The following SCHIP1 variants were observed in gnomAD, a reference collection of about 807,000 sequenced individuals.
SCHIP1 encodes the protein schwannomin interacting protein 1.
Under a neutral mutation model 29.7 loss-of-function variants are expected in SCHIP1, and 8 were observed. The observed-to-expected ratio is 0.27, with a 90% CI of 0.16 to 0.49. SCHIP1 has a LOEUF of 0.49. SCHIP1 is among the 20% of genes least tolerant of loss of function. The pLI, the probability that SCHIP1 is intolerant of heterozygous loss-of-function variation, is 0.99. For synonymous variants in SCHIP1, 76 were observed against 94.9 expected, an observed-to-expected ratio of 0.80 and a Z score of 1.16; for missense variants, 193 against 294.6, an observed-to-expected ratio of 0.66 and a Z score of 2.52.
At chr3:159,804,551 C>T in the SCHIP1 span, among the ~76,000 whole-genome samples, 1 of 152,198 alleles carries the variant, frequency 6.6e-6, no homozygotes, top group South Asian at 2.1e-4. Flanking sequence ...CATTTATTTG[C>T]TGCTGTGATG....
At chr3:159,422,650 G>A in the SCHIP1 span, among the ~76,000 whole-genome samples, 1 of 152,116 alleles carries the variant, frequency 6.6e-6, no homozygotes. Flanking sequence ...GTACAGTATG[G>A]ATTAGTTCTC....
chr3:159,343,918 G>A, the SCHIP1 span, among the ~76,000 whole-genome samples: 149 of 151,440 alleles, frequency 9.8e-4, 3 homozygotes, highest in South Asian at 0.024. Flanking sequence ...TTTGAATGTT[G>A]ATAGTAATTT....
chr3:159,626,251 TATAGATAGATAG>T, the SCHIP1 span, among the ~76,000 whole-genome samples: 487 of 93,698 alleles, frequency 5.2e-3, 7 homozygotes, highest in African/African-American at 0.016. Flanking sequence ...TATCTATCTA[TATAGATAGATAG>T]ATAGATAGAT....
At chr3:159,293,074 A>G in the SCHIP1 span, among the ~76,000 whole-genome samples, 1 of 152,010 alleles carries the variant, frequency 6.6e-6, no homozygotes, top group South Asian at 2.1e-4. Context: ...ATTAAAAATA[A>G]TAGCTGTTAA....
chr3:159,515,211 AAC>A, the SCHIP1 span, among the ~76,000 whole-genome samples: 3 of 151,936 alleles, frequency 2.0e-5, no homozygotes, highest in African/African-American at 7.3e-5. Flanking sequence ...AAAAAAAAAA[AAC>A]TAAGACAGAT....
At chr3:159,543,117 G>GTATA in the SCHIP1 span, among the ~76,000 whole-genome samples, 55 of 148,094 alleles carry the variant, frequency 3.7e-4, no homozygotes, top group African/African-American at 6.2e-4. Flanking sequence ...ATACATGTGT[G>GTATA]TATATATATA....
At chr3:159,588,486 A>T in the SCHIP1 span, among the ~76,000 whole-genome samples, 4 of 152,212 alleles carry the variant, frequency 2.6e-5, no homozygotes, top group African/African-American at 4.8e-5. Context: ...CCCATTTGTC[A>T]ATTTTGGCTT....
At chr3:159,873,149 G>C (rs1307640884) in intron 2 of SCHIP1, among the ~76,000 whole-genome samples, 1 of 152,136 alleles carries the variant, frequency 6.6e-6, no homozygotes, top group African/African-American at 2.4e-5. Context: ...TTAAAACCAG[G>C]TAAACCTGAT....
chr3:159,473,162 T>G, the SCHIP1 span, among the ~76,000 whole-genome samples: 1 of 152,228 alleles, frequency 6.6e-6, no homozygotes, highest in South Asian at 2.1e-4. Flanking sequence ...AATTACTTAT[T>G]AAAGTCCATT....
At chr3:159,455,259 A>G in the SCHIP1 span, among the ~76,000 whole-genome samples, 1 of 152,196 alleles carries the variant, frequency 6.6e-6, no homozygotes. Context: ...GTCAGATGCC[A>G]AGAACATGTG....
chr3:159,713,284 G>GAAATA, the SCHIP1 span, among the ~76,000 whole-genome samples: 2 of 141,952 alleles, frequency 1.4e-5, no homozygotes, highest in African/African-American at 2.6e-5. Context: ...AAGAAAGAAA[G>GAAATA]AAAAAAGAAA....
At chr3:159,816,521 T>A in the SCHIP1 span, among the ~76,000 whole-genome samples, 2 of 152,120 alleles carry the variant, frequency 1.3e-5, no homozygotes, top group South Asian at 4.1e-4. Context: ...GTGATCCTCC[T>A]GCCTCAGCCT....
At chr3:159,767,690 G>A in the SCHIP1 span, among the ~76,000 whole-genome samples, 4 of 152,248 alleles carry the variant, frequency 2.6e-5, no homozygotes, top group Admixed American at 1.3e-4. Context: ...CTGCTTGGAA[G>A]CAAGTGTCTG....
At chr3:159,426,329 C>A in the SCHIP1 span, among the ~76,000 whole-genome samples, 1 of 152,018 alleles carries the variant, frequency 6.6e-6, no homozygotes, top group Admixed American at 6.6e-5. Flanking sequence ...CAAATAGACG[C>A]AATAAAAAAT....
the SCHIP1 span, among the ~76,000 whole-genome samples, chr3:159,662,109 C>T: frequency 6.6e-6 from 1 of 152,114 alleles, no homozygotes; most frequent in African/African-American, 2.4e-5. Context: ...TTACCTGTTC[C>T]ATAACAGTCT....
chr3:159,455,407 A>G, the SCHIP1 span, among the ~76,000 whole-genome samples: 1 of 152,362 alleles, frequency 6.6e-6, no homozygotes, highest in Admixed American at 6.5e-5. Context: ...AAGACAAGCA[A>G]GGCAATAACA....
chr3:159,466,114 G>A, the SCHIP1 span, among the ~76,000 whole-genome samples: 13 of 152,076 alleles, frequency 8.5e-5, no homozygotes, highest in Middle Eastern at 3.2e-3. Context: ...CATTTAGCTA[G>A]GGGGTAAGAA....
the SCHIP1 span, among the ~76,000 whole-genome samples, chr3:159,677,691 G>T: frequency 2.6e-5 from 4 of 152,148 alleles, no homozygotes; most frequent in African/African-American, 9.7e-5. Flanking sequence ...AATGAAAGTG[G>T]CCAGGGAGAT....
the SCHIP1 span, among the ~76,000 whole-genome samples, chr3:159,510,888 G>T: frequency 2.0e-5 from 3 of 152,202 alleles, no homozygotes; most frequent in South Asian, 2.1e-4. Context: ...ACTTGGGGGT[G>T]CCTCCCAGTT....
Sources: gnomAD v4.1 joint callset for allele counts (sites outside exome capture counted in the v4.1 genomes callset) on GRCh38, gnomAD v4.1.1 for gene constraint, MANE v1.5 for transcripts, NCBI Gene and HGNC (gene_info 2026-07-23, HGNC 2026-07-21) for gene names.